PARD3: variants seen among roughly 807,000 people sequenced by gnomAD.
PARD3 encodes the protein par-3 family cell polarity regulator, also known as partitioning defective 3 homolog.
In PARD3, 75 loss-of-function variants were observed where a neutral mutation model predicts 155.4. That is an observed-to-expected ratio of 0.48 (90% CI 0.40 to 0.58). The LOEUF is 0.58. Ranked by LOEUF, PARD3 falls within the 20% of genes least tolerant of loss-of-function variation. PARD3 has a pLI of 0.00. For synonymous variants in PARD3, 576 were observed against 610.5 expected (o/e 0.94, Z 0.83); for missense variants, 1,642 against 1,721.7 (o/e 0.95, Z 0.82).
At chr10:34,597,882 G>A (rs1176050097) in intron 2 of PARD3, among the ~76,000 whole-genome samples, 3 of 152,172 alleles carry the variant, frequency 2.0e-5, no homozygotes, top group Admixed American at 6.5e-5. Flanking sequence ...AATATCTGCT[G>A]TTGAAAGAAA....
At chr10:34,239,370 C>T (rs558181147) in intron 22 of PARD3, among the ~76,000 whole-genome samples, 5 of 152,320 alleles carry the variant, frequency 3.3e-5, no homozygotes, top group East Asian at 3.9e-4. Flanking sequence ...GCGGAGCCTC[C>T]GCCTTGAGCA....
At chr10:34,593,519 C>A (rs890185169) in intron 2 of PARD3, among the ~76,000 whole-genome samples, 1 of 152,168 alleles carries the variant, frequency 6.6e-6, no homozygotes, top group Admixed American at 6.5e-5. Context: ...GATGAGCTCA[C>A]GCACACACAG....
chr10:34,443,269 T>G (rs1259619583), intron 5 of PARD3, among the ~76,000 whole-genome samples: 1 of 152,210 alleles, frequency 6.6e-6, no homozygotes. Context: ...TAAATTTACT[T>G]TTGCCCTCAA....
intron 2 of PARD3, among the ~76,000 whole-genome samples, chr10:34,688,647 G>A (rs2093993558): frequency 6.6e-6 from 1 of 152,108 alleles, no homozygotes; most frequent in South Asian, 2.1e-4. Flanking sequence ...CCTACTCCAA[G>A]GGGCCAGGGT....
chr10:34,768,066 G>A (rs1455103198), intron 1 of PARD3, among the ~76,000 whole-genome samples: 5 of 152,016 alleles, frequency 3.3e-5, no homozygotes, highest in Non-Finnish European at 4.4e-5. Context: ...ATCTCCTTAC[G>A]TTGTCAGTCC....
chr10:34,766,209 C>T (rs1838064408), intron 1 of PARD3, among the ~76,000 whole-genome samples: 1 of 152,118 alleles, frequency 6.6e-6, no homozygotes, highest in Non-Finnish European at 1.5e-5. Flanking sequence ...TGTTTTATTA[C>T]TTGTATTTTA....
At chr10:34,180,487 G>C (rs949217158) in intron 22 of PARD3, among the ~76,000 whole-genome samples, 2 of 152,206 alleles carry the variant, frequency 1.3e-5, no homozygotes, top group African/African-American at 4.8e-5. Flanking sequence ...AGTCTCTCTT[G>C]AGTGGGTTTG....
intron 22 of PARD3, among the ~76,000 whole-genome samples, chr10:34,250,236 A>G (rs1954224288): frequency 6.6e-6 from 1 of 152,152 alleles, no homozygotes; most frequent in Non-Finnish European, 1.5e-5. Flanking sequence ...TGGATCAATT[A>G]GCAGCCTTCT....
intron 2 of PARD3, among the ~76,000 whole-genome samples, chr10:34,552,505 C>T (rs2084664032): frequency 2.0e-5 from 3 of 152,168 alleles, no homozygotes; most frequent in South Asian, 4.1e-4. Flanking sequence ...GTCAGGAGTT[C>T]CAGACCAGCC....
At chr10:34,211,303 GGCCCTTGCCTCT>G (rs1951737450) in intron 22 of PARD3, among the ~76,000 whole-genome samples, 1 of 152,186 alleles carries the variant, frequency 6.6e-6, no homozygotes, top group South Asian at 2.1e-4. Flanking sequence ...AGCCCTGGTA[GGCCCTTGCCTCT>G]GCCAAGTCAC....
chr10:34,238,906 T>C (rs1424703802), intron 22 of PARD3, among the ~76,000 whole-genome samples: 1 of 152,238 alleles, frequency 6.6e-6, no homozygotes, highest in Non-Finnish European at 1.5e-5. Context: ...TGGTTTTAAA[T>C]ATACATAACT....
chr10:34,312,409 A>C (rs1957750889), intron 20 of PARD3: 1 of 1,610,298 alleles, frequency 6.2e-7, no homozygotes, highest in Non-Finnish European at 8.5e-7. Flanking sequence ...GTACAGACAC[A>C]CAGTTAGTAC....
At chr10:34,148,331 C>T (rs1948617549) in intron 22 of PARD3, among the ~76,000 whole-genome samples, 1 of 152,180 alleles carries the variant, frequency 6.6e-6, no homozygotes, top group Non-Finnish European at 1.5e-5. Flanking sequence ...TCAGAAGTCA[C>T]AGGCCTCCAC....
chr10:34,535,768 G>A (rs1281645848), intron 2 of PARD3, among the ~76,000 whole-genome samples: 1 of 151,478 alleles, frequency 6.6e-6, no homozygotes. Flanking sequence ...GAGCCACCCT[G>A]CCTGGCCAAG....
chr10:34,551,518 C>A (rs575811631), intron 2 of PARD3, among the ~76,000 whole-genome samples: 1 of 152,312 alleles, frequency 6.6e-6, no homozygotes, highest in South Asian at 2.1e-4. Flanking sequence ...ATTGCAACAG[C>A]CCTTGGGCTG....
intron 18 of PARD3, among the ~76,000 whole-genome samples, chr10:34,332,042 T>C (rs1478020180): frequency 6.6e-6 from 1 of 152,196 alleles, no homozygotes; most frequent in East Asian, 1.9e-4. Flanking sequence ...AGACTGGATA[T>C]GAGTACTTCT....
chr10:34,287,397 A>G lies in PARD3; in HGVS notation c.3066-3152T>C, dbSNP rs1303564144. 2.0e-5 allele frequency among the ~76,000 whole-genome samples: 3 copies of G among 152,114 alleles called. No homozygotes were observed. The East Asian group carries it at 5.8e-4, about 29-fold the overall frequency. On this transcript the variant is annotated intron_variant, in intron 20 of 24. Transcript: ENST00000374788. ...GTGCTGGCTCACATTCCTACATCCC[A>G]AAAGATAGAAATACAACTCTGCACC... is the stretch of plus-strand genomic sequence containing the variant.
intron 2 of PARD3, among the ~76,000 whole-genome samples, chr10:34,674,271 TACC>T (rs1272722740): frequency 2.6e-5 from 4 of 152,120 alleles, no homozygotes; most frequent in Admixed American, 2.0e-4. Context: ...ACCTGAAAGT[TACC>T]ACCTTTTTCT....
intron 20 of PARD3, chr10:34,312,242 T>G: frequency 6.3e-7 from 1 of 1,576,888 alleles, no homozygotes; most frequent in Non-Finnish European, 8.6e-7. Context: ...TAAACAAAAT[T>G]CGTCAACAGC....
Sources: gnomAD v4.1 joint callset for allele counts (sites outside exome capture counted in the v4.1 genomes callset) on GRCh38, gnomAD v4.1.1 for gene constraint, MANE v1.5 for transcripts, NCBI Gene and HGNC (gene_info 2026-07-23, HGNC 2026-07-21) for gene names.